KCNIP4: variants seen among roughly 807,000 people sequenced by gnomAD.
The protein encoded by KCNIP4 is potassium voltage-gated channel interacting protein 4, also known as Kv channel-interacting protein 4.
In KCNIP4, 12 loss-of-function variants were observed where a neutral mutation model predicts 34.0. That is an observed-to-expected ratio of 0.35 (90% CI 0.23 to 0.57). The LOEUF (loss-of-function observed/expected upper bound fraction) is 0.57, where lower values mean the gene tolerates loss of function less well. Ranked by LOEUF, KCNIP4 falls within the 20% of genes least tolerant of loss-of-function variation. The probability of loss-of-function intolerance (pLI) is 0.83; values close to 1 mark genes in which losing one functional copy is unlikely to be tolerated. For missense variants in KCNIP4, 238 were observed against 311.7 expected (o/e 0.76, Z 1.78); for synonymous variants, 124 against 102.2 (o/e 1.21, Z -1.29).
intron 1 of KCNIP4, among the ~76,000 whole-genome samples, chr4:21,926,427 G>A (rs1407088558): frequency 6.6e-6 from 1 of 152,172 alleles, no homozygotes; most frequent in African/African-American, 2.4e-5. Flanking sequence ...CTCGAGTCTA[G>A]TATAAAGCTG....
chr4:21,555,091 CAGTT>C (rs1738895799), intron 1 of KCNIP4, among the ~76,000 whole-genome samples: 1 of 152,124 alleles, frequency 6.6e-6, no homozygotes, highest in African/African-American at 2.4e-5. Context: ...GAACTGTACA[CAGTT>C]ATTAGCCTGT....
intron 1 of KCNIP4, among the ~76,000 whole-genome samples, chr4:21,237,992 C>A (rs1358108574): frequency 6.6e-6 from 1 of 152,104 alleles, no homozygotes; most frequent in East Asian, 1.9e-4. Context: ...AAAATACTGG[C>A]AAACCGAATC....
intron 5 of KCNIP4, among the ~76,000 whole-genome samples, chr4:20,749,247 G>A (rs1445457193): frequency 1.3e-5 from 2 of 151,886 alleles, no homozygotes; most frequent in Non-Finnish European, 2.9e-5. Context: ...GCTGGTGAAT[G>A]TAGTCTTTTT....
At chr4:21,817,525 C>A (rs1472739700) in intron 1 of KCNIP4, among the ~76,000 whole-genome samples, 1 of 152,112 alleles carries the variant, frequency 6.6e-6, no homozygotes, top group East Asian at 1.9e-4. Flanking sequence ...GCAAAAAGAG[C>A]CATATTTTTC....
At chr4:21,671,686 G>C (rs1472259883) in intron 1 of KCNIP4, among the ~76,000 whole-genome samples, 5 of 152,152 alleles carry the variant, frequency 3.3e-5, no homozygotes, top group African/African-American at 9.7e-5. Flanking sequence ...ATGTTACTCA[G>C]ACTCAGGGGT....
chr4:20,955,586 C>T (rs1362655279), intron 1 of KCNIP4, among the ~76,000 whole-genome samples: 1 of 152,008 alleles, frequency 6.6e-6, no homozygotes, highest in Non-Finnish European at 1.5e-5. Flanking sequence ...GATTTTCCAG[C>T]AAGTCCCATT....
chr4:20,987,268 G>C (rs1736664556), intron 1 of KCNIP4, among the ~76,000 whole-genome samples: 1 of 152,064 alleles, frequency 6.6e-6, no homozygotes, highest in African/African-American at 2.4e-5. Context: ...CCAGATCACG[G>C]CTCAACCATT....
chr4:21,542,788 T>C (rs993216383), intron 1 of KCNIP4, among the ~76,000 whole-genome samples: 1 of 151,296 alleles, frequency 6.6e-6, no homozygotes, highest in Non-Finnish European at 1.5e-5. Flanking sequence ...ATGAAGAAGC[T>C]CTTGGATTCA....
intron 3 of KCNIP4, among the ~76,000 whole-genome samples, chr4:20,810,733 T>A (rs1223927224): frequency 6.6e-6 from 1 of 152,158 alleles, no homozygotes; most frequent in Non-Finnish European, 1.5e-5. Flanking sequence ...GAGAATAAGA[T>A]GGATTGTCTT....
chr4:21,574,499 G>A (rs1243044736), intron 1 of KCNIP4, among the ~76,000 whole-genome samples: 1 of 151,986 alleles, frequency 6.6e-6, no homozygotes, highest in African/African-American at 2.4e-5. Context: ...TTGAAGAAAC[G>A]GAGTCCTTAT....
At chr4:21,471,510 T>C (rs892558238) in intron 1 of KCNIP4, among the ~76,000 whole-genome samples, 4 of 152,198 alleles carry the variant, frequency 2.6e-5, no homozygotes, top group Non-Finnish European at 4.4e-5. Context: ...TTTATATATT[T>C]TATCATGATT....
At chr4:21,577,562 C>T (rs1406234894) in intron 1 of KCNIP4, among the ~76,000 whole-genome samples, 3 of 152,000 alleles carry the variant, frequency 2.0e-5, no homozygotes, top group African/African-American at 7.3e-5. Flanking sequence ...ACCCAGGAGG[C>T]GGAGGTTACA....
At chr4:20,819,752 C>G (rs1055891196) in intron 3 of KCNIP4, among the ~76,000 whole-genome samples, 1 of 152,166 alleles carries the variant, frequency 6.6e-6, no homozygotes, top group African/African-American at 2.4e-5. Flanking sequence ...AGGAAGCACT[C>G]TAGGACCTTC....
Position 21,578,332 on chromosome 4 carries a change from CAAAAAAA to C in KCNIP4, c.61+370232_61+370238del, listed in dbSNP as rs71191522. Among the ~76,000 whole-genome samples, 128 of 75,122 alleles carry C rather than the reference CAAAAAAA, an allele frequency of 1.7e-3. 3 individuals carry two copies. The highest frequency in any genetic ancestry group is 5.3e-3 in the South Asian group (9 of 1,686). The allele number at this position is 75,122 out of a possible 152,430, so 49.3% of individuals were successfully genotyped here. ...TGGGTGACAGAGCGAGACTCCGTCT[CAAAAAAA>C]AAAAAAAAAAAAAAAAAAAGAGTTC... is the stretch of plus-strand genomic sequence containing the variant. On this transcript the variant is annotated intron_variant, in intron 1 of 8. Transcript: ENST00000382152.
intron 3 of KCNIP4, among the ~76,000 whole-genome samples, chr4:20,762,307 C>T (rs1459117312): frequency 6.6e-6 from 1 of 152,142 alleles, no homozygotes; most frequent in Non-Finnish European, 1.5e-5. Context: ...CCAAAGGCCC[C>T]ACCTCCTAAT....
At chr4:21,556,420 T>G (rs1739014334) in intron 1 of KCNIP4, among the ~76,000 whole-genome samples, 1 of 152,164 alleles carries the variant, frequency 6.6e-6, no homozygotes, top group Admixed American at 6.5e-5. Flanking sequence ...ACAAAGTCAA[T>G]GCTTCTATCT....
At chr4:21,835,422 T>C (rs1425262552) in intron 1 of KCNIP4, among the ~76,000 whole-genome samples, 1 of 152,158 alleles carries the variant, frequency 6.6e-6, no homozygotes, top group Non-Finnish European at 1.5e-5. Flanking sequence ...AATACCATTA[T>C]ATATAACTAC....
chr4:20,859,016 T>C (rs1157249720), intron 2 of KCNIP4, among the ~76,000 whole-genome samples: 1 of 152,202 alleles, frequency 6.6e-6, no homozygotes, highest in Non-Finnish European at 1.5e-5. Context: ...ATTACTTTGT[T>C]CAAAATCCTA....
Position 21,177,877 on chromosome 4 carries a change from T to TATATATATA in KCNIP4, c.62-295169_62-295168insTATATATAT, listed in dbSNP as rs1338439962. On this transcript the variant is annotated intron_variant, in intron 1 of 8. Coordinates refer to ENST00000382152, the MANE Select transcript of KCNIP4 (RefSeq NM_025221.6). ...AAAAAATTATATATATATATATATA[T>TATATATATA]AAAATATAACATTTAAAAAGAAAAA... Among the ~76,000 whole-genome samples the TATATATATA allele has an allele frequency of 4.1e-3, 596 of 146,352 alleles. 8 individuals carry two copies. Among genetic ancestry groups the TATATATATA allele is most frequent in the African/African-American group, 0.014 (553 of 38,898 alleles).
Sources: allele counts gnomAD v4.1 joint callset (sites outside exome capture counted in the v4.1 genomes callset), GRCh38; gene constraint gnomAD v4.1.1; transcripts MANE v1.5; gene names NCBI Gene and HGNC (gene_info 2026-07-23, HGNC 2026-07-21).